PTPRN2: variants seen among roughly 807,000 people sequenced by gnomAD.
The protein encoded by PTPRN2 is receptor-type tyrosine-protein phosphatase N2.
PTPRN2 carries 74 observed loss-of-function variants against 118.8 expected under a neutral mutation model. That is an observed-to-expected ratio of 0.62 (90% CI 0.52 to 0.76). PTPRN2 has a LOEUF of 0.76. Ranked by LOEUF, PTPRN2 falls within the 30% of genes least tolerant of loss-of-function variation. The probability of loss-of-function intolerance (pLI) is 0.00; values close to 1 mark genes in which losing one functional copy is unlikely to be tolerated. For synonymous variants in PTPRN2, 641 were observed against 608.0 expected (o/e 1.05, Z -0.80); for missense variants, 1,481 against 1,394.4 (o/e 1.06, Z -0.99).
In PTPRN2 at chr7:157,665,037, A is replaced by G. The variant is rs1488660420; in HGVS notation, c.2002-8486T>C. ...AAGGGGTTAACCGGCAGTGGTGCCA[A>G]GCAGGAAGCCCCGAGACCTGCCCCT... On this transcript the variant is annotated intron_variant, in intron 13 of 22. Coordinates refer to ENST00000389418, the MANE Select transcript of PTPRN2 (RefSeq NM_002847.5). Among the ~76,000 whole-genome samples the G allele has an allele frequency of 2.6e-5, 4 of 152,344 alleles. No individual in the cohort carries two copies. The East Asian group carries it at 5.8e-4, about 22-fold the overall frequency.
chr7:157,955,862 G>A (rs1801153620), intron 11 of PTPRN2, among the ~76,000 whole-genome samples: 1 of 152,142 alleles, frequency 6.6e-6, no homozygotes, highest in African/African-American at 2.4e-5. Context: ...GTCTCAAATA[G>A]TGCATCTGAG....
chr7:157,872,133 TCCTCCCCACACACACATACACAGCG>T lies in PTPRN2; in HGVS notation c.1788+26515_1788+26539del, dbSNP rs1426014172. Among the ~76,000 whole-genome samples, 58 of 57,928 alleles carry T rather than the reference TCCTCCCCACACACACATACACAGCG, an allele frequency of 1.0e-3. 2 individuals carry two copies. The East Asian group carries it at 0.022, about 22-fold the overall frequency. 38.0% of individuals were successfully genotyped at this position (57,928 alleles called of 152,430 possible). ...AGCGCCTCCCCACACACACCCAGTG[TCCTCCCCACACACACATACACAGCG>T]CCTCCCCACACACACATACCCAGCG... On this transcript the variant is annotated intron_variant, in intron 12 of 22. Transcript: ENST00000389418.
chr7:158,050,988 G>T (rs544213394), intron 11 of PTPRN2, among the ~76,000 whole-genome samples: 1 of 152,324 alleles, frequency 6.6e-6, no homozygotes, highest in Non-Finnish European at 1.5e-5. Context: ...CCAGGGGCAC[G>T]CCATGGCGGT....
chr7:158,533,877 G>A (rs556392085), intron 1 of PTPRN2, among the ~76,000 whole-genome samples: 1 of 152,220 alleles, frequency 6.6e-6, no homozygotes, highest in Non-Finnish European at 1.5e-5. Context: ...AAAGTCGCAC[G>A]TCAGGCCCTC....
intron 12 of PTPRN2, among the ~76,000 whole-genome samples, chr7:157,824,405 T>C (rs763538926): frequency 1.9e-4 from 29 of 152,218 alleles, no homozygotes; most frequent in Non-Finnish European, 3.4e-4. Flanking sequence ...GGGAGGCCTC[T>C]GTCTGGTGCC....
chr7:157,585,063 A>C lies in PTPRN2; in HGVS notation c.2497-6923T>G, dbSNP rs528265964. Among the ~76,000 whole-genome samples the C allele has an allele frequency of 7.2e-5, 11 of 152,096 alleles. No homozygotes were observed. The highest frequency in any genetic ancestry group is 1.3e-4 in the Non-Finnish European group (9 of 68,022). ...CCTGGCTTTTTTTTAGTAAACAAAT[A>C]TCTCAGTGTGGGATTCATTTAGGGA... On this transcript the variant is annotated intron_variant, in intron 17 of 22. Coordinates refer to ENST00000389418, the MANE Select transcript of PTPRN2 (RefSeq NM_002847.5). This position sits in a 1 kb window ranked among gnomAD's most constrained non-coding sequence, Gnocchi z 5.2.
chr7:157,980,743 A>G (rs1803074693), intron 11 of PTPRN2, among the ~76,000 whole-genome samples: 1 of 152,076 alleles, frequency 6.6e-6, no homozygotes, highest in Non-Finnish European at 1.5e-5. Context: ...ACAGAGCAAG[A>G]CTCCATCTCA....
intron 1 of PTPRN2, among the ~76,000 whole-genome samples, chr7:158,543,111 G>A (rs777079810): frequency 6.6e-6 from 1 of 152,234 alleles, no homozygotes; most frequent in African/African-American, 2.4e-5. Flanking sequence ...TGAAGAAAAG[G>A]TCTTCTGCTT....
chr7:158,499,841 G>A (rs1379313722), intron 1 of PTPRN2, among the ~76,000 whole-genome samples: 4 of 117,292 alleles, frequency 3.4e-5, no homozygotes, highest in African/African-American at 1.1e-4. Context: ...TCCAGTGTGT[G>A]TATGTGTGTG....
intron 13 of PTPRN2, among the ~76,000 whole-genome samples, chr7:157,668,081 A>C (rs1391562041): frequency 6.6e-6 from 1 of 152,222 alleles, no homozygotes; most frequent in Non-Finnish European, 1.5e-5. Flanking sequence ...ACATTCGGAC[A>C]CCACAGTCCT....
In PTPRN2 at chr7:157,780,082, C is replaced by T. The variant is rs1563101265; in HGVS notation, c.1789-97145G>A. Among the ~76,000 whole-genome samples the T allele has an allele frequency of 5.9e-5, 9 of 152,266 alleles. 1 individual carries two copies. In the South Asian group the frequency reaches 1.7e-3, roughly 28 times the overall value. ...TGGCTTGGCTAGTTGAATTCTGATT[C>T]GATACTTTATAATTAGGGCTCACTA... On this transcript the variant is annotated intron_variant, in intron 12 of 22. Coordinates refer to ENST00000389418, the MANE Select transcript of PTPRN2 (RefSeq NM_002847.5). This position sits in a 1 kb window ranked among gnomAD's most constrained non-coding sequence, Gnocchi z 4.5.
chr7:158,013,794 C>CTCACCCACCTA (rs1806234960), intron 11 of PTPRN2, among the ~76,000 whole-genome samples: 1 of 1,452 alleles, frequency 6.9e-4, no homozygotes, highest in African/African-American at 3.2e-3. Flanking sequence ...CACCCACCCA[C>CTCACCCACCTA]CCCATCCATC....
chr7:158,180,132 A>C (rs1394430489), intron 5 of PTPRN2, among the ~76,000 whole-genome samples: 1 of 152,266 alleles, frequency 6.6e-6, no homozygotes. Context: ...TGGTGGGCTA[A>C]GCCCCACTTT....
At chr7:158,252,493 C>G (rs1157951356) in intron 3 of PTPRN2, among the ~76,000 whole-genome samples, 1 of 152,118 alleles carries the variant, frequency 6.6e-6, no homozygotes, top group Non-Finnish European at 1.5e-5. Flanking sequence ...GACCTGATAG[C>G]CCGGAGCCCT....
chr7:157,597,628 A>C (rs917117838), intron 16 of PTPRN2, among the ~76,000 whole-genome samples: 3 of 152,256 alleles, frequency 2.0e-5, no homozygotes, highest in Non-Finnish European at 4.4e-5. Flanking sequence ...AGGGTCGATA[A>C]GGTGACTGTT....
chr7:158,321,914 G>A (rs1168317376), intron 2 of PTPRN2, among the ~76,000 whole-genome samples: 2 of 152,174 alleles, frequency 1.3e-5, no homozygotes, highest in East Asian at 1.9e-4. Flanking sequence ...CAAGGATGCC[G>A]CCAATCCAAC....
chr7:157,841,560 T>C (rs1808421619), intron 12 of PTPRN2, among the ~76,000 whole-genome samples: 1 of 152,016 alleles, frequency 6.6e-6, no homozygotes, highest in African/African-American at 2.4e-5. Context: ...GCAGGGAAAC[T>C]GCCCATTAAG....
rs868431621 is a variant in PTPRN2, at chr7:157,733,815, T to C, written c.1789-50878A>G. Among the ~76,000 whole-genome samples, 46 of 17,912 alleles carry C rather than the reference T, an allele frequency of 2.6e-3. 10 individuals are homozygous for C. The highest frequency in any genetic ancestry group is 3.8e-3 in the Non-Finnish European group (38 of 9,912). The allele number at this position is 17,912 out of a possible 152,430, so 11.8% of individuals were successfully genotyped here. On this transcript the variant is annotated intron_variant, in intron 12 of 22. Transcript: ENST00000389418. ...CACGCGCCCAGCACAGTTACTCTTT[T>C]CCGTCCCACGCGCCCAGCACAGTTA...
In PTPRN2 at chr7:157,596,323, G is replaced by A. The variant is rs1201815682; in HGVS notation, c.2419-1008C>T. 6.6e-6 allele frequency among the ~76,000 whole-genome samples: 1 copy of A among 152,234 alleles called. No homozygotes were observed. The highest frequency in any genetic ancestry group is 1.5e-5 in the Non-Finnish European group (1 of 68,042). On this transcript the variant is annotated intron_variant, in intron 16 of 22. Coordinates refer to ENST00000389418, the MANE Select transcript of PTPRN2 (RefSeq NM_002847.5). The surrounding 1 kb of genome is among the most constrained non-coding windows in gnomAD (Gnocchi z 4.2). ...AGCCGGGGCGGAAGGGCCTTGCTGG[G>A]AGTGGCCTCCTGTTCTGTTTCCCCA... is the stretch of plus-strand genomic sequence containing the variant.
Sources: gnomAD v4.1 joint callset for allele counts (sites outside exome capture counted in the v4.1 genomes callset) on GRCh38, gnomAD v4.1.1 for gene constraint, Gnocchi (gnomAD v3.1) non-coding constraint, MANE v1.5 for transcripts, NCBI Gene and HGNC (gene_info 2026-07-23, HGNC 2026-07-21) for gene names.